DYNC2H1: variants seen among roughly 807,000 people sequenced by gnomAD.
DYNC2H1 encodes dynein cytoplasmic 2 heavy chain 1.
DYNC2H1 carries 410 observed loss-of-function variants against 570.0 expected under a neutral mutation model. That is an observed-to-expected ratio of 0.72 (90% CI 0.66 to 0.78). The LOEUF (loss-of-function observed/expected upper bound fraction) is 0.78, where lower values mean the gene tolerates loss of function less well. Among genes scored for constraint, DYNC2H1 ranks in the 30% least tolerant of loss-of-function variants. The pLI is 0.00. For synonymous variants in DYNC2H1, 1,688 were observed against 1,677.6 expected (o/e 1.01, Z -0.15); for missense variants, 4,865 against 5,046.4 (o/e 0.96, Z 1.09).
intron 6 of DYNC2H1, among the ~76,000 whole-genome samples, 190 bp from the exon 7 acceptor site, chr11:103,120,257 A>G (rs1019301186): frequency 2.0e-5 from 3 of 152,156 alleles, no homozygotes; most frequent in Non-Finnish European, 2.9e-5. Context: ...AGAAACAGTT[A>G]TGTTTTTGAG....
chr11:103,428,911 CCTAA>C lies in DYNC2H1; in HGVS notation c.12367-7029_12367-7026del, dbSNP rs1454094551. ...GATGGATGTGGGTTGTTTCCACCTTCCTAACTTTTTATAACAGTGTAATCTCTTA... is the reference window on the plus strand; with the variant it reads ...GATGGATGTGGGTTGTTTCCACCTTCCTTTTTATAACAGTGTAATCTCTTA... On this transcript the variant is annotated intron_variant, in intron 84 of 88. Coordinates refer to ENST00000375735, the MANE Select transcript of DYNC2H1 (RefSeq NM_001377.3). Among the ~76,000 whole-genome samples the C allele has an allele frequency of 3.3e-5, 5 of 151,982 alleles. No individual in the cohort carries two copies. In the East Asian group the frequency reaches 7.7e-4, roughly 23 times the overall value.
chr11:103,193,717 AT>A (rs551176172), intron 47 of DYNC2H1, among the ~76,000 whole-genome samples: 19 of 146,332 alleles, frequency 1.3e-4, no homozygotes, highest in South Asian at 2.2e-4. Context: ...CTAATTTTGT[AT>A]TTTTTTTTTA....
chr11:103,478,607 T>C (rs1232896990), intron 88 of DYNC2H1, among the ~76,000 whole-genome samples: 1 of 152,220 alleles, frequency 6.6e-6, no homozygotes, highest in Non-Finnish European at 1.5e-5. Flanking sequence ...GTATAGTTTC[T>C]TCTGCAAACA....
At chr11:103,378,545 G>A (rs996291503) in intron 83 of DYNC2H1, among the ~76,000 whole-genome samples, 11 of 152,152 alleles carry the variant, frequency 7.2e-5, no homozygotes, top group African/African-American at 2.4e-4. Context: ...TTAATTTCAG[G>A]AGGTTAAAAT....
intron 73 of DYNC2H1, 117 bp downstream of exon 73, chr11:103,283,202 TC>T: frequency 2.9e-6 from 2 of 680,414 alleles, no homozygotes; most frequent in Admixed American, 3.3e-5. Context: ...GGATGTAAGT[TC>T]CCCCAGTAAA....
Position 103,109,496 on chromosome 11 carries a change from C to T in DYNC2H1, c.-79C>T. 1 of 1,365,854 alleles carries T rather than the reference C, an allele frequency of 7.3e-7. No homozygotes were observed. The highest frequency in any genetic ancestry group is 1.4e-5 in the African/African-American group (1 of 69,744). 84.6% of individuals were successfully genotyped at this position (1,365,854 alleles called of 1,614,324 possible). The stretch of plus-strand genomic sequence containing the variant: ...CGGGCTACGGGTTTGAGCAAAGCTC[C>T]TCTCTTCCCTTCACTTCCCTCCGGA... On this transcript the variant is annotated 5_prime_UTR_variant, in exon 1 of 89. Transcript: ENST00000375735.
At chr11:103,197,153 G>A (rs1203916712) in intron 47 of DYNC2H1, among the ~76,000 whole-genome samples, 1 of 151,894 alleles carries the variant, frequency 6.6e-6, no homozygotes, top group Non-Finnish European at 1.5e-5. Context: ...AAACATTAGG[G>A]CTCTTTTTGG....
In DYNC2H1 at chr11:103,176,510, A is replaced by C. The variant is rs1861821262; in HGVS notation, c.5874+76A>C. On this transcript the variant is annotated intron_variant, in intron 37 of 88. Transcript: ENST00000375735. ...TCCTTATTAACTATCCTTGTCCTTCATCTTTCAACTTATCTTTTATCTTTC... is the reference window on the plus strand; with the variant it reads ...TCCTTATTAACTATCCTTGTCCTTCCTCTTTCAACTTATCTTTTATCTTTC... The C allele has an allele frequency of 3.5e-6, 4 of 1,149,036 alleles. No homozygotes were observed. The South Asian group carries it at 7.6e-5, about 22-fold the overall frequency. 71.2% of individuals were successfully genotyped at this position (1,149,036 alleles called of 1,614,324 possible).
chr11:103,201,510 C>G lies in DYNC2H1; in HGVS notation c.8197+1356C>G, dbSNP rs1343399117. Among the ~76,000 whole-genome samples, 1 of 152,138 alleles carries G rather than the reference C, an allele frequency of 6.6e-6. No individual in the cohort carries two copies. The highest frequency in any genetic ancestry group is 2.4e-5 in the African/African-American group (1 of 41,424). The stretch of plus-strand genomic sequence containing the variant: ...TAATTAAAAACAACAACAACAACAA[C>G]AACTAAAAACGAATTCTTTGCTACT... On this transcript the variant is annotated intron_variant, in intron 50 of 88. Coordinates refer to ENST00000375735, the MANE Select transcript of DYNC2H1 (RefSeq NM_001377.3). The surrounding 1 kb of genome is among the most constrained non-coding windows in gnomAD (Gnocchi z 4.8).
At chr11:103,124,162 A>G (rs1311655657) in intron 11 of DYNC2H1, among the ~76,000 whole-genome samples, 1 of 152,084 alleles carries the variant, frequency 6.6e-6, no homozygotes, top group East Asian at 1.9e-4. Flanking sequence ...TGAAATAATG[A>G]GGCTGGGTGT....
At chr11:103,123,427 G>T (rs1477774291) in intron 11 of DYNC2H1, among the ~76,000 whole-genome samples, 1 of 152,084 alleles carries the variant, frequency 6.6e-6, no homozygotes, top group East Asian at 1.9e-4. Context: ...TATGGCTTTG[G>T]TAAATATTTA....
At position 103,134,302 on chromosome 11, in the gene DYNC2H1, A is replaced by G. The variant is rs1186146869; in HGVS notation, c.2107-19A>G. On this transcript the variant is annotated intron_variant, in intron 14 of 88. Transcript: ENST00000375735. ...TTTCCAGCAATACTTTGAGACTAGCATGCTCTAATTTTTCATAGGTGGTTG... is the reference window on the plus strand; with the variant it reads ...TTTCCAGCAATACTTTGAGACTAGCGTGCTCTAATTTTTCATAGGTGGTTG... 2 of 1,609,534 alleles carry G rather than the reference A, an allele frequency of 1.2e-6. No homozygotes were observed. Among genetic ancestry groups the G allele is most frequent in the East Asian group, 2.2e-5 (1 of 44,804 alleles).
At position 103,280,512 on chromosome 11, in the gene DYNC2H1, A is replaced by G. The variant is rs1423489253; in HGVS notation, c.10761+99A>G. The G allele has an allele frequency of 2.0e-6, 2 of 1,021,158 alleles. No individual in the cohort carries two copies. 63.3% of individuals were successfully genotyped at this position (1,021,158 alleles called of 1,614,324 possible). On this transcript the variant is annotated intron_variant, in intron 71 of 88. Coordinates refer to ENST00000375735, the MANE Select transcript of DYNC2H1 (RefSeq NM_001377.3). This position sits in a 1 kb window ranked among gnomAD's most constrained non-coding sequence, Gnocchi z 4.7. ...AGAAATTATTTAGGCTAGAAATTAT[A>G]TATCAACCTATTAATCTTTTACTAA...
Position 103,185,767 on chromosome 11 carries a change from C to T in DYNC2H1, c.6634-475C>T, listed in dbSNP as rs987958504. ...AGCACATACTCTCTTGTCAAAGTTC[C>T]GAATAAATGTATTGAAGAATAGTAT... On this transcript the variant is annotated intron_variant, in intron 41 of 88. Transcript: ENST00000375735. The surrounding 1 kb of genome is among the most constrained non-coding windows in gnomAD (Gnocchi z 4.5). Among the ~76,000 whole-genome samples the T allele has an allele frequency of 4.0e-5, 6 of 151,782 alleles. No individual in the cohort carries two copies. The highest frequency in any genetic ancestry group is 7.3e-5 in the African/African-American group (3 of 41,336).
chr11:103,206,804 T>C (rs1862943699), intron 52 of DYNC2H1, among the ~76,000 whole-genome samples: 1 of 152,166 alleles, frequency 6.6e-6, no homozygotes, highest in Non-Finnish European at 1.5e-5. Flanking sequence ...CGTATTGGAA[T>C]ACGTTTCAGA....
chr11:103,113,551 C>A lies in DYNC2H1; in HGVS notation c.210C>A (p.Asp70Glu). ...ISFSNTIEFG[D>E]TKDKVLVFFK... ...TATCACTTTAGATTGAGTTTGGTGA[C>A]ACAAAAGATAAAGTGCTGGTGTTTT... Residue 70 changes from aspartate to glutamate, a missense_variant, in exon 2 of 89, where the codon GAC becomes GAA. Asp to Glu is a conservative substitution (Grantham distance 45, BLOSUM62 2). Around this residue, in one of 5 missense-constraint regions of DYNC2H1, gnomAD observed 1,936 missense variants for 1,962.1 expected, o/e 0.99. Transcript: ENST00000375735. 6.4e-7 allele frequency: 1 copy of A among 1,559,236 alleles called. No individual in the cohort carries two copies. Among genetic ancestry groups the A allele is most frequent in the Non-Finnish European group, 8.6e-7 (1 of 1,159,322 alleles).
intron 83 of DYNC2H1, among the ~76,000 whole-genome samples, chr11:103,383,974 T>C (rs914467998): frequency 6.6e-6 from 1 of 152,242 alleles, no homozygotes; most frequent in Non-Finnish European, 1.5e-5. Context: ...TATAGATGTC[T>C]ATTATGTATG....
rs1189668426 is a variant in DYNC2H1, at chr11:103,326,544, G to A, written c.12039+2554G>A. ...GCAGATCTGGGCTCGGTACTCCTGAGCTGCAGACCGCATTCCGGGGACACT... is the reference window on the plus strand; with the variant it reads ...GCAGATCTGGGCTCGGTACTCCTGAACTGCAGACCGCATTCCGGGGACACT... On this transcript the variant is annotated intron_variant, in intron 82 of 88. Coordinates refer to ENST00000375735, the MANE Select transcript of DYNC2H1 (RefSeq NM_001377.3). The surrounding 1 kb of genome is among the most constrained non-coding windows in gnomAD (Gnocchi z 6.1). 1.3e-5 allele frequency among the ~76,000 whole-genome samples: 2 copies of A among 152,236 alleles called. No homozygotes were observed. Among genetic ancestry groups the A allele is most frequent in the East Asian group, 3.9e-4 (2 of 5,188 alleles).
intron 40 of DYNC2H1, among the ~76,000 whole-genome samples, chr11:103,183,050 C>T (rs1001919332): frequency 2.4e-4 from 36 of 151,826 alleles, no homozygotes; most frequent in Admixed American, 1.1e-3. Flanking sequence ...CAGCATCTAC[C>T]AACTATGTTA....
Sources: allele counts gnomAD v4.1 joint callset (sites outside exome capture counted in the v4.1 genomes callset), GRCh38; gene constraint gnomAD v4.1.1; regional missense constraint gnomAD v4.1.1; non-coding constraint Gnocchi (gnomAD v3.1); transcripts MANE v1.5; gene names NCBI Gene and HGNC (gene_info 2026-07-23, HGNC 2026-07-21).